Variants in ABI3BP observed in about 807,000 individuals in gnomAD.
ABI3BP encodes ABI family member 3 binding protein.
ABI3BP carries 216 observed loss-of-function variants against 268.6 expected under a neutral mutation model. The ratio of observed to expected loss-of-function variants is 0.80; its 90% CI spans 0.72 to 0.90. The LOEUF is 0.90. ABI3BP is among the 40% of genes least tolerant of loss of function. ABI3BP has a pLI of 0.00. For missense variants in ABI3BP, 2,090 were observed against 2,182.4 expected, an observed-to-expected ratio of 0.96 and a Z score of 0.84; for synonymous variants, 730 against 730.0, an observed-to-expected ratio of 1.00 and a Z score of 0.00.
intron 39 of ABI3BP, 51 bp downstream of exon 39, chr3:100,821,003 T>C: frequency 6.9e-7 from 1 of 1,446,072 alleles, no homozygotes; most frequent in Non-Finnish European, 9.4e-7. Context: ...ATGGAATGGG[T>C]TTGACGATGA....
chr3:100,851,256 G>T (rs2098834608), intron 15 of ABI3BP, among the ~76,000 whole-genome samples: 1 of 152,196 alleles, frequency 6.6e-6, no homozygotes, highest in Non-Finnish European at 1.5e-5. Context: ...ACTCACTATA[G>T]ATGGGTCAGT....
intron 49 of ABI3BP, 86 bp downstream of exon 49, chr3:100,810,326 G>A: frequency 8.5e-7 from 1 of 1,180,708 alleles, no homozygotes; most frequent in Non-Finnish European, 1.2e-6. Context: ...GAATGATGAA[G>A]TCAGGGCCTC....
intron 55 of ABI3BP, among the ~76,000 whole-genome samples, chr3:100,791,390 C>T (rs1380300048): frequency 1.3e-5 from 2 of 151,790 alleles, no homozygotes; most frequent in Non-Finnish European, 2.9e-5. Context: ...GCAACACAAC[C>T]TGTGTGGAAT....
rs568053723 is a variant in ABI3BP, at chr3:100,822,667, T to C, written c.2809A>G (p.Lys937Glu). The C allele has an allele frequency of 6.5e-7, 1 of 1,536,526 alleles. No homozygotes were observed. Among genetic ancestry groups the C allele is most frequent in the African/African-American group, 1.4e-5 (1 of 73,158 alleles). ...RPEASTTLASKTSQRTRRPRL... is the reference protein window; with the variant it reads ...RPEASTTLASETSQRTRRPRL... ...GGACGACGTGTCCGTTGTGATGTTT[T>C]GGAAGCTGAAGGAAGAAGTTCTTGG... The change falls in exon 38 of 68, where the codon AAA becomes GAA. Residue 937 changes from lysine to glutamate, a missense_variant. Transcript: ENST00000471714.
chr3:100,777,650 T>C (rs946996942), intron 59 of ABI3BP, among the ~76,000 whole-genome samples: 5 of 152,064 alleles, frequency 3.3e-5, no homozygotes, highest in Admixed American at 1.3e-4. Context: ...CAGGGGAGGT[T>C]TTTAAAGAAA....
At chr3:100,971,742 T>C (rs1294877703) in intron 1 of ABI3BP, among the ~76,000 whole-genome samples, 1 of 152,178 alleles carries the variant, frequency 6.6e-6, no homozygotes, top group Non-Finnish European at 1.5e-5. Context: ...TTATATGTGG[T>C]GGGTGTTTAA....
chr3:100,941,158 T>C (rs1347224302), intron 1 of ABI3BP, among the ~76,000 whole-genome samples: 1 of 151,748 alleles, frequency 6.6e-6, no homozygotes, highest in African/African-American at 2.4e-5. Flanking sequence ...CATGAACATA[T>C]GTTAGCAAGA....
At chr3:100,875,402 C>T (rs984951702) in intron 8 of ABI3BP, 106 bp downstream of exon 8, 3 of 833,778 alleles carry the variant, frequency 3.6e-6, no homozygotes, top group Admixed American at 4.0e-5. Context: ...AAGTGAACCA[C>T]ATCAATTAAA....
chr3:100,780,194 G>A lies in ABI3BP; in HGVS notation c.4178C>T (p.Pro1393Leu). Residue 1393 changes from proline (P) to leucine (L), a missense_variant, in exon 58 of 68, where the codon CCC becomes CTC. Coordinates refer to ENST00000471714, the MANE Select transcript of ABI3BP (RefSeq NM_001375547.2). Reference protein sequence around the residue: ...NGVGTGVKQAPRPSGADRNVS... With the variant: ...NGVGTGVKQALRPSGADRNVS... The stretch of plus-strand genomic sequence containing the variant: ...ATTTCTATCAGCACCTGATGGCCTG[G>A]GTGCTTGCTTGACCCCTATGAGCAG... 6.2e-7 allele frequency: 1 copy of A among 1,612,698 alleles called. No individual in the cohort carries two copies.
intron 14 of ABI3BP, among the ~76,000 whole-genome samples, chr3:100,856,477 C>T (rs2098941379): frequency 1.3e-5 from 2 of 152,192 alleles, no homozygotes; most frequent in Non-Finnish European, 2.9e-5. Flanking sequence ...TACAAGATAA[C>T]TGTATATGAT....
chr3:100,960,699 G>A (rs1252393654), intron 1 of ABI3BP, among the ~76,000 whole-genome samples: 1 of 152,200 alleles, frequency 6.6e-6, no homozygotes, highest in East Asian at 1.9e-4. Flanking sequence ...CATAAGTGCG[G>A]ACTTTGAAGA....
At chr3:100,751,410 C>G in intron 67 of ABI3BP, 142 bp downstream of exon 67, 1 of 886,086 alleles carries the variant, frequency 1.1e-6, no homozygotes, top group Non-Finnish European at 1.5e-6. Context: ...GAGAAACTTA[C>G]ATTGAAGTCT....
chr3:100,905,292 C>A (rs957042136), intron 2 of ABI3BP, among the ~76,000 whole-genome samples: 1 of 151,998 alleles, frequency 6.6e-6, no homozygotes, highest in Non-Finnish European at 1.5e-5. Context: ...GGATAGCATT[C>A]GGAGATATAC....
intron 4 of ABI3BP, 51 bp downstream of exon 4, chr3:100,898,711 T>C (rs1180346829): frequency 1.3e-6 from 2 of 1,572,176 alleles, no homozygotes; most frequent in African/African-American, 2.7e-5. Flanking sequence ...GATACTTACA[T>C]ATTCTTCTAA....
At chr3:100,909,945 T>G (rs1055285731) in intron 2 of ABI3BP, among the ~76,000 whole-genome samples, 28 of 152,274 alleles carry the variant, frequency 1.8e-4, no homozygotes, top group Admixed American at 2.0e-4. Flanking sequence ...TTATAAATCA[T>G]TCTACTATAA....
At chr3:100,885,470 G>T in intron 6 of ABI3BP, 66 bp downstream of exon 6, 2 of 893,608 alleles carry the variant, frequency 2.2e-6, no homozygotes, top group South Asian at 4.6e-5. Context: ...CTTATAATAA[G>T]ACTATTTCCT....
intron 63 of ABI3BP, among the ~76,000 whole-genome samples, chr3:100,761,018 G>C (rs934663261): frequency 1.4e-4 from 22 of 152,014 alleles, no homozygotes; most frequent in African/African-American, 5.3e-4. Context: ...TGATTTTTCT[G>C]CTCCTCTCCC....
At chr3:100,944,307 CTG>C (rs544109952) in intron 1 of ABI3BP, among the ~76,000 whole-genome samples, 2 of 152,218 alleles carry the variant, frequency 1.3e-5, no homozygotes, top group East Asian at 3.9e-4. Context: ...TAATATTACT[CTG>C]AGTAATTTTC....
Position 100,812,467 on chromosome 3 carries a change from C to T in ABI3BP, c.3421G>A (p.Ala1141Thr), listed in dbSNP as rs542730006. The change falls in exon 46 of 68, where the codon GCA becomes ACA. Residue 1141 changes from alanine to threonine, a missense_variant and splice_region_variant. Coordinates refer to ENST00000471714, the MANE Select transcript of ABI3BP (RefSeq NM_001375547.2). ...LSTESPKETI[A>T]PAKTDYVYPT... ...ACTTCCCATTGGGGAACATTTTTAC[C>T]TATGGTCTCCTTTGGTGACTCAGTA... is the stretch of plus-strand genomic sequence containing the variant. 42 of 1,297,862 alleles carry T rather than the reference C, an allele frequency of 3.2e-5. No homozygotes were observed. In the South Asian group the frequency reaches 9.6e-4, roughly 30 times the overall value. The allele number at this position is 1,297,862 out of a possible 1,614,324, so 80.4% of individuals were successfully genotyped here. A position where few individuals can be genotyped will look rare whatever the true frequency, so the allele number is the denominator to read the frequency against.
Sources: allele counts gnomAD v4.1 joint callset (sites outside exome capture counted in the v4.1 genomes callset), GRCh38; gene constraint gnomAD v4.1.1; transcripts MANE v1.5; gene names NCBI Gene and HGNC (gene_info 2026-07-23, HGNC 2026-07-21).